Variants in DAG1 observed in about 807,000 individuals in gnomAD.
DAG1 encodes the protein dystroglycan 1 (dystrophin-associated glycoprotein 1).
Under a neutral mutation model 46.1 loss-of-function variants are expected in DAG1, and 8 were observed. The ratio of observed to expected loss-of-function variants is 0.17; its 90% CI spans 0.10 to 0.31. The LOEUF (loss-of-function observed/expected upper bound fraction) is 0.31, where lower values mean the gene tolerates loss of function less well. DAG1 is among the 10% of genes least tolerant of loss of function. The pLI is 1.00. For synonymous variants in DAG1, 495 were observed against 481.8 expected, an observed-to-expected ratio of 1.03 and a Z score of -0.36; for missense variants, 1,003 against 1,189.9, an observed-to-expected ratio of 0.84 and a Z score of 2.31.
rs145765079 is a variant in DAG1 at position 49,531,744 on chromosome 3, G to A, written c.1233G>A (p.Val411=). The A allele has an allele frequency of 3.3e-3, 5,262 of 1,613,830 alleles. 12 individuals carry two copies. The highest frequency in any genetic ancestry group is 3.8e-3 in the Non-Finnish European group (4,461 of 1,179,976). The change falls in exon 3 of 3, where the codon GTG becomes GTA. Residue 411 remains valine (V), a synonymous_variant. Transcript: ENST00000308775. This position sits in a 1 kb window ranked among gnomAD's most constrained non-coding sequence, Gnocchi z 7.0. ...IRPTMTIPGY[V]EPTAVATPPT... Reference sequence around the variant, plus strand: ...CAACGATGACCATTCCTGGCTATGTGGAGCCTACTGCAGTTGCTACCCCTC... The same window carrying A: ...CAACGATGACCATTCCTGGCTATGTAGAGCCTACTGCAGTTGCTACCCCTC...
chr3:49,510,132 T>TATC (rs756720807), intron 1 of DAG1: 8 of 424,104 alleles, frequency 1.9e-5, no homozygotes, highest in Non-Finnish European at 2.9e-5. Flanking sequence ...TACTAATACA[T>TATC]ATCATTTCAG....
In DAG1 at chr3:49,531,860, C is replaced by G; in HGVS notation, c.1349C>G (p.Thr450Ser). Reference sequence around the variant, plus strand: ...ACCACCACCACGACTCGCAGGCCAACCAAGAAACCACGGACACCCCGGCCA... The same window carrying G: ...ACCACCACCACGACTCGCAGGCCAAGCAAGAAACCACGGACACCCCGGCCA... ...DSTTTTTRRP[T>S]KKPRTPRPVP... The change falls in exon 3 of 3, where the codon ACC becomes AGC. Residue 450 changes from threonine to serine, a missense_variant. By Grantham distance (58) the Thr-to-Ser change is moderately conservative. Around this residue, in one of 3 missense-constraint regions of DAG1, gnomAD observed 755 missense variants for 854.1 expected, o/e 0.88. Coordinates refer to ENST00000308775, the MANE Select transcript of DAG1 (RefSeq NM_004393.6). This position sits in a 1 kb window ranked among gnomAD's most constrained non-coding sequence, Gnocchi z 7.0. 6.2e-7 allele frequency: 1 copy of G among 1,614,058 alleles called. No individual in the cohort carries two copies. The highest frequency in any genetic ancestry group is 1.3e-5 in the African/African-American group (1 of 74,982).
At chr3:49,516,661 G>T (rs1372813475) in intron 2 of DAG1, among the ~76,000 whole-genome samples, 1 of 152,212 alleles carries the variant, frequency 6.6e-6, no homozygotes, top group African/African-American at 2.4e-5. Context: ...GCCCCTTTAA[G>T]TTGGTTCCTG....
At chr3:49,469,472 C>T (rs945703635), upstream of DAG1, among the ~76,000 whole-genome samples, 4 of 152,156 alleles carry the variant, frequency 2.6e-5, no homozygotes, top group African/African-American at 9.7e-5. Flanking sequence ...ACCCCCCTCT[C>T]TTATTTCTTC....
Position 49,531,134 on chromosome 3 carries a change from T to C in DAG1, c.623T>C (p.Ile208Thr), listed in dbSNP as rs772976299. 2.2e-5 allele frequency: 35 copies of C among 1,614,008 alleles called. No homozygotes were observed. The highest frequency in any genetic ancestry group is 8.9e-5 in the East Asian group (4 of 44,896). ...DLTKMTPKQR[I>T]DLLHRMRSFS... is the part of the protein sequence containing the mutation. ...ACCAAGATGACCCCAAAGCAAAGGATTGACCTCCTGCACAGGATGCGGAGC... is the reference window on the plus strand; with the variant it reads ...ACCAAGATGACCCCAAAGCAAAGGACTGACCTCCTGCACAGGATGCGGAGC... The change falls in exon 3 of 3, where the codon ATT becomes ACT. Residue 208 changes from isoleucine to threonine, a missense_variant. Physicochemically the swap from Ile to Thr is moderately conservative, Grantham distance 89 (BLOSUM62 -1). Transcript: ENST00000308775. This position sits in a 1 kb window ranked among gnomAD's most constrained non-coding sequence, Gnocchi z 7.0.
chr3:49,531,899 C>A lies in DAG1; in HGVS notation c.1388C>A (p.Thr463Asn). 1 of 1,614,194 alleles carries A rather than the reference C, an allele frequency of 6.2e-7. No individual in the cohort carries two copies. ...PRTPRPVPRV[T>N]TKVSITRLET... ...ACACCCCGGCCAGTGCCCCGGGTCA[C>A]CACCAAAGTTTCCATCACCAGATTG... Residue 463 changes from threonine to asparagine, a missense_variant, in exon 3 of 3, where the codon ACC becomes AAC. By Grantham distance (65) the Thr-to-Asn change is moderately conservative. This residue lies in a region of DAG1 where 755 missense variants were observed against 854.1 expected (regional missense o/e 0.88). Transcript: ENST00000308775. This position sits in a 1 kb window ranked among gnomAD's most constrained non-coding sequence, Gnocchi z 7.0.
chr3:49,514,370 G>A (rs2050838677), intron 2 of DAG1, among the ~76,000 whole-genome samples: 1 of 152,176 alleles, frequency 6.6e-6, no homozygotes, highest in African/African-American at 2.4e-5. Context: ...TCAGAGTGAA[G>A]TCCTCTACCG....
At position 49,504,017 on chromosome 3, in the gene DAG1, C is replaced by G. The variant is rs77638164; in HGVS notation, c.-116-6402C>G. Among the ~76,000 whole-genome samples, 3 of 152,096 alleles carry G rather than the reference C, an allele frequency of 2.0e-5. No homozygotes were observed. The East Asian group carries it at 5.8e-4, about 29-fold the overall frequency. On this transcript the variant is annotated intron_variant, in intron 1 of 2. Coordinates refer to ENST00000308775, the MANE Select transcript of DAG1 (RefSeq NM_004393.6). ...CAGTTCCCCCCATGGTAACATCTTGCAAAACTATATAGTACAATATATATC... is the reference window on the plus strand; with the variant it reads ...CAGTTCCCCCCATGGTAACATCTTGGAAAACTATATAGTACAATATATATC...
At position 49,531,494 on chromosome 3, in the gene DAG1, C is replaced by T. The variant is rs1339288691; in HGVS notation, c.983C>T (p.Thr328Ile). Residue 328 changes from threonine to isoleucine, a missense_variant, in exon 3 of 3, where the codon ACC becomes ATC. Thr to Ile is a moderately conservative substitution (Grantham distance 89). Coordinates refer to ENST00000308775, the MANE Select transcript of DAG1 (RefSeq NM_004393.6). The surrounding 1 kb of genome is among the most constrained non-coding windows in gnomAD (Gnocchi z 7.0). ...CCTGTCACTGCCATTGGGCCCCCAA[C>T]CACGGCTATCCAGGAGCCCCCATCC... The part of the protein sequence containing the change: ...PTPVTAIGPP[T>I]TAIQEPPSRI... 1 of 1,613,332 alleles carries T rather than the reference C, an allele frequency of 6.2e-7. No individual in the cohort carries two copies. The highest frequency in any genetic ancestry group is 8.5e-7 in the Non-Finnish European group (1 of 1,179,512).
intron 1 of DAG1, among the ~76,000 whole-genome samples, chr3:49,497,436 C>A (rs80027322): frequency 2.3e-3 from 293 of 128,328 alleles, no homozygotes; most frequent in African/African-American, 3.8e-3. Context: ...GACTCCGTCT[C>A]AAAAAAAAAA....
chr3:49,471,604 A>C (rs538765257), intron 1 of DAG1, among the ~76,000 whole-genome samples: 1 of 152,268 alleles, frequency 6.6e-6, no homozygotes, highest in South Asian at 2.1e-4. Context: ...GAGAAATCAG[A>C]TTTCAGTAGG....
chr3:49,498,411 T>A (rs940483976), intron 1 of DAG1, among the ~76,000 whole-genome samples: 2 of 152,116 alleles, frequency 1.3e-5, no homozygotes, highest in African/African-American at 2.4e-5. Context: ...TTTTTTTTTT[T>A]AATATTTGGA....
intron 1 of DAG1, among the ~76,000 whole-genome samples, chr3:49,492,375 G>C (rs1307448959): frequency 6.6e-6 from 1 of 152,190 alleles, no homozygotes; most frequent in Non-Finnish European, 1.5e-5. Context: ...GACTGGATGT[G>C]GTGGTTTATG....
At chr3:49,508,042 CTT>C (rs2050654737) in intron 1 of DAG1, among the ~76,000 whole-genome samples, 1 of 151,434 alleles carries the variant, frequency 6.6e-6, no homozygotes, top group African/African-American at 2.4e-5. Context: ...ATTGTCTTCT[CTT>C]TTTTCTTGTA....
intron 1 of DAG1, among the ~76,000 whole-genome samples, chr3:49,491,567 C>A (rs2050184977): frequency 6.6e-6 from 1 of 151,014 alleles, no homozygotes. Context: ...AGCTCTGCCT[C>A]CCGGGTTCAC....
intron 1 of DAG1, among the ~76,000 whole-genome samples, chr3:49,504,760 A>AT (rs1559560835): frequency 1.4e-3 from 158 of 110,474 alleles, no homozygotes; most frequent in Middle Eastern, 4.8e-3. Context: ...ACGCCCAGCT[A>AT]ATTTTTTTTT....
intron 2 of DAG1, among the ~76,000 whole-genome samples, chr3:49,530,549 C>G (rs924295146): frequency 6.6e-6 from 1 of 152,200 alleles, no homozygotes; most frequent in African/African-American, 2.4e-5. Context: ...AGTGCCAGCA[C>G]TGCTGTCTCC....
At chr3:49,479,785 G>A (rs892245638) in intron 1 of DAG1, among the ~76,000 whole-genome samples, 14 of 147,832 alleles carry the variant, frequency 9.5e-5, no homozygotes, top group East Asian at 7.9e-4. Context: ...TTACAGGCGC[G>A]CACCACCACA....
At chr3:49,477,128 G>C (rs748362440) in intron 1 of DAG1, among the ~76,000 whole-genome samples, 1 of 152,050 alleles carries the variant, frequency 6.6e-6, no homozygotes, top group Admixed American at 6.6e-5. Context: ...CTCCCAAGTA[G>C]CTGGGATTAC....
Sources: gnomAD v4.1 joint callset for allele counts (sites outside exome capture counted in the v4.1 genomes callset) on GRCh38, gnomAD v4.1.1 for gene constraint, gnomAD v4.1.1 regional missense constraint, Gnocchi (gnomAD v3.1) non-coding constraint, MANE v1.5 for transcripts, NCBI Gene and HGNC (gene_info 2026-07-23, HGNC 2026-07-21) for gene names.